Variants in PKD2 observed in about 807,000 individuals in gnomAD.
The protein encoded by PKD2 is polycystin 2, transient receptor potential cation channel.
PKD2 carries 48 observed loss-of-function variants against 105.9 expected under a neutral mutation model. That is an observed-to-expected ratio of 0.45 (90% CI 0.36 to 0.58). The LOEUF (loss-of-function observed/expected upper bound fraction) is 0.58. PKD2 is among the 20% of genes least tolerant of loss of function. The probability of loss-of-function intolerance (pLI) is 0.00; values close to 1 mark genes in which losing one functional copy is unlikely to be tolerated. For synonymous variants in PKD2, 464 were observed against 481.1 expected, an observed-to-expected ratio of 0.96 and a Z score of 0.46; for missense variants, 1,078 against 1,255.3, an observed-to-expected ratio of 0.86 and a Z score of 2.13.
intron 13 of PKD2, among the ~76,000 whole-genome samples, chr4:88,068,575 C>A (rs1476102728): frequency 6.6e-6 from 1 of 152,062 alleles, no homozygotes; most frequent in African/African-American, 2.4e-5. Flanking sequence ...TCACATATTT[C>A]TACCAATGAA....
intron 2 of PKD2, among the ~76,000 whole-genome samples, chr4:88,031,058 C>G (rs982808768): frequency 6.6e-6 from 1 of 152,154 alleles, no homozygotes; most frequent in African/African-American, 2.4e-5. Flanking sequence ...ACCACACTTT[C>G]AATTTTGAAT....
chr4:88,061,422 CAT>C (rs930963331), intron 9 of PKD2, among the ~76,000 whole-genome samples: 1 of 152,120 alleles, frequency 6.6e-6, no homozygotes, highest in Admixed American at 6.6e-5. Flanking sequence ...CTTCCCAAAA[CAT>C]GTGGCAGCAA....
chr4:88,031,358 A>G lies in PKD2; in HGVS notation c.710-4862A>G, dbSNP rs567713336. Among the ~76,000 whole-genome samples, 6 of 152,342 alleles carry G rather than the reference A, an allele frequency of 3.9e-5. No individual in the cohort carries two copies. The East Asian group carries it at 5.8e-4, about 15-fold the overall frequency. ...TACTATAAGTCAAGGATCATCTTGT[A>G]TAGCACTTTTAATTTATAGAGTCCC... On this transcript the variant is annotated intron_variant, in intron 2 of 14. Coordinates refer to ENST00000237596, the MANE Select transcript of PKD2 (RefSeq NM_000297.4).
chr4:88,046,566 A>G, intron 5 of PKD2, 76 bp from the exon 6 acceptor site: 1 of 894,734 alleles, frequency 1.1e-6, no homozygotes, highest in Non-Finnish European at 1.9e-6. Context: ...CATGAACAGA[A>G]CAGATGGACA....
intron 2 of PKD2, among the ~76,000 whole-genome samples, chr4:88,024,054 A>G (rs1440178849): frequency 6.6e-6 from 1 of 152,230 alleles, no homozygotes; most frequent in Admixed American, 6.5e-5. Flanking sequence ...ATTCACCATT[A>G]AAGCACTTAT....
At position 88,074,795 on chromosome 4, in the gene PKD2, CTG is replaced by C. The variant is rs776521435; in HGVS notation, c.2523-13_2523-12del. The C allele has an allele frequency of 2.1e-5, 34 of 1,613,640 alleles. No homozygotes were observed. The highest frequency in any genetic ancestry group is 1.2e-4 in the Admixed American group (7 of 59,994). On this transcript the variant is annotated splice_polypyrimidine_tract_variant and intron_variant, in intron 13 of 14. Coordinates refer to ENST00000237596, the MANE Select transcript of PKD2 (RefSeq NM_000297.4). The stretch of plus-strand genomic sequence containing the variant: ...ATGACAAGCACTTTGTCCCTCTGTA[CTG>C]TGTTTTCCTTGCAGCCTGGTGAGAC...
chr4:88,025,754 A>G (rs1726937741), intron 2 of PKD2, among the ~76,000 whole-genome samples: 1 of 152,108 alleles, frequency 6.6e-6, no homozygotes. Flanking sequence ...CTGGTAGGAG[A>G]TGATTGGATC....
intron 2 of PKD2, among the ~76,000 whole-genome samples, chr4:88,024,644 G>A (rs1726890655): frequency 6.6e-6 from 1 of 151,840 alleles, no homozygotes; most frequent in African/African-American, 2.4e-5. Flanking sequence ...CACATTAATA[G>A]AAATCACAAA....
intron 6 of PKD2, among the ~76,000 whole-genome samples, chr4:88,048,479 A>G (rs1328927531): frequency 1.3e-5 from 2 of 152,216 alleles, no homozygotes; most frequent in Non-Finnish European, 2.9e-5. Context: ...AGCAGCAATA[A>G]TAATTGTAAT....
At chr4:88,070,615 GAGAGAGAGAGAGAA>G in intron 13 of PKD2, among the ~76,000 whole-genome samples, 3 of 142,530 alleles carry the variant, frequency 2.1e-5, no homozygotes, top group Non-Finnish European at 3.1e-5. Context: ...GAGAGAGAGA[GAGAGAGAGAGAGAA>G]AGAGAGAGAG....
intron 2 of PKD2, among the ~76,000 whole-genome samples, chr4:88,021,815 C>T (rs1441289171): frequency 6.6e-6 from 1 of 152,222 alleles, no homozygotes; most frequent in East Asian, 1.9e-4. Context: ...CAATTCAGCT[C>T]TTCGCAAGTT....
intron 14 of PKD2, 146 bp downstream of exon 14, chr4:88,075,105 C>T (rs1721185123): frequency 4.6e-6 from 4 of 867,244 alleles, no homozygotes; most frequent in Non-Finnish European, 7.2e-6. Flanking sequence ...TCCATTTACT[C>T]TCATTTTCAG....
intron 9 of PKD2, among the ~76,000 whole-genome samples, chr4:88,059,060 GT>G (rs2110130664): frequency 6.6e-6 from 1 of 152,254 alleles, no homozygotes; most frequent in South Asian, 2.1e-4. Flanking sequence ...TAACTCTAAA[GT>G]CAGTCCAGGT....
intron 13 of PKD2, among the ~76,000 whole-genome samples, chr4:88,070,380 C>T (rs1720964881): frequency 6.6e-6 from 1 of 151,650 alleles, no homozygotes; most frequent in Admixed American, 6.6e-5. Context: ...CCTTTGGGAC[C>T]CGCATTATGC....
At chr4:88,055,421 C>T (rs1413526554) in intron 7 of PKD2, among the ~76,000 whole-genome samples, 4 of 152,062 alleles carry the variant, frequency 2.6e-5, no homozygotes, top group African/African-American at 7.2e-5. Flanking sequence ...ACGGCAGCCT[C>T]GACCTCCCAG....
intron 1 of PKD2, among the ~76,000 whole-genome samples, chr4:88,012,473 A>G (rs78574321): frequency 0.11 from 16,747 of 151,090 alleles, 1,304 homozygotes; most frequent in East Asian, 0.41. Flanking sequence ...CAGGATAATC[A>G]TACCAACACA....
intron 12 of PKD2, among the ~76,000 whole-genome samples, chr4:88,066,942 C>T (rs1720817373): frequency 6.6e-6 from 1 of 152,156 alleles, no homozygotes; most frequent in South Asian, 2.1e-4. Flanking sequence ...TGACAGACTT[C>T]TCCAGTCACA....
At chr4:88,024,084 T>G (rs1427892689) in intron 2 of PKD2, among the ~76,000 whole-genome samples, 1 of 152,170 alleles carries the variant, frequency 6.6e-6, no homozygotes, top group African/African-American at 2.4e-5. Context: ...TGGGTTACTG[T>G]TATAAATAGC....
rs1322801646 is a variant in PKD2, at chr4:88,007,885, G to C, written c.152G>C (p.Gly51Ala). 2.9e-6 allele frequency: 4 copies of C among 1,373,004 alleles called. No homozygotes were observed. The African/African-American group carries it at 6.0e-5, about 21-fold the overall frequency. 85.1% of individuals were successfully genotyped at this position (1,373,004 alleles called of 1,614,324 possible). ...CCGGGCGGCCTCTGCGAGCAGCGGGGCCTGGAGATCGAGATGCAGCGCATC... is the reference window on the plus strand; with the variant it reads ...CCGGGCGGCCTCTGCGAGCAGCGGGCCCTGGAGATCGAGATGCAGCGCATC... Reference protein sequence around the residue: ...AAPGGLCEQRGLEIEMQRIRQ... With the variant: ...AAPGGLCEQRALEIEMQRIRQ... Residue 51 changes from glycine to alanine, a missense_variant, in exon 1 of 15, where the codon GGC (glycine) becomes GCC (alanine). By Grantham distance (60) the Gly-to-Ala change is moderately conservative. Coordinates refer to ENST00000237596, the MANE Select transcript of PKD2 (RefSeq NM_000297.4).
Sources: allele counts gnomAD v4.1 joint callset (sites outside exome capture counted in the v4.1 genomes callset), GRCh38; gene constraint gnomAD v4.1.1; transcripts MANE v1.5; gene names NCBI Gene and HGNC (gene_info 2026-07-23, HGNC 2026-07-21).